TBX5: variants seen among roughly 807,000 people sequenced by gnomAD.
TBX5 encodes the protein T-box transcription factor TBX5.
Under a neutral mutation model 51.1 loss-of-function variants are expected in TBX5, and 8 were observed. The observed-to-expected ratio is 0.16, with a 90% CI of 0.09 to 0.28. The LOEUF (loss-of-function observed/expected upper bound fraction) is 0.28, where lower values mean the gene tolerates loss of function less well. Among genes scored for constraint, TBX5 ranks in the 10% least tolerant of loss-of-function variants. The pLI, the probability that TBX5 is intolerant of heterozygous loss-of-function variation, is 1.00. For missense variants in TBX5, 589 were observed against 671.7 expected (o/e 0.88, Z 1.36); for synonymous variants, 302 against 266.4 (o/e 1.13, Z -1.30).
At chr12:114,399,696 T>C (rs1871678747) in intron 3 of TBX5, 64 bp from the exon 4 acceptor site, 2 of 1,611,412 alleles carry the variant, frequency 1.2e-6, no homozygotes, top group Admixed American at 3.3e-5. Context: ...TAAGGCAGCC[T>C]CCATCCATTT....
intron 1 of TBX5, 118 bp from the exon 2 acceptor site, chr12:114,404,054 A>C: frequency 9.4e-7 from 1 of 1,063,602 alleles, no homozygotes; most frequent in South Asian, 1.4e-5. Context: ...GTTTCCAGCT[A>C]CCAGCACCTC....
chr12:114,386,321 T>G (rs1347907907), intron 6 of TBX5, among the ~76,000 whole-genome samples: 2 of 152,206 alleles, frequency 1.3e-5, no homozygotes, highest in East Asian at 1.9e-4. Context: ...CAACGCATTA[T>G]ATTAGTGTGA....
intron 8 of TBX5, among the ~76,000 whole-genome samples, chr12:114,359,561 G>A (rs538297018): frequency 3.9e-5 from 6 of 152,238 alleles, no homozygotes; most frequent in African/African-American, 1.2e-4. Flanking sequence ...ATCCTAAACC[G>A]AAATGAGTCT....
At chr12:114,382,572 G>A (rs1260549539) in intron 7 of TBX5, among the ~76,000 whole-genome samples, 1 of 152,020 alleles carries the variant, frequency 6.6e-6, no homozygotes, top group African/African-American at 2.4e-5. Flanking sequence ...GCCGAGGCGG[G>A]TGGATTGCCT....
chr12:114,398,424 A>G, intron 5 of TBX5, 149 bp downstream of exon 5: 1 of 1,060,684 alleles, frequency 9.4e-7, no homozygotes, highest in African/African-American at 1.6e-5. Flanking sequence ...AAGAAGGTAG[A>G]GGCAGAAAGC....
At chr12:114,376,437 A>C (rs1317698274) in intron 7 of TBX5, among the ~76,000 whole-genome samples, 1 of 152,182 alleles carries the variant, frequency 6.6e-6, no homozygotes, top group East Asian at 1.9e-4. Context: ...GTAATCTAAA[A>C]TAGTCAAACC....
chr12:114,368,258 C>T (rs1357097010), intron 7 of TBX5, among the ~76,000 whole-genome samples: 1 of 152,040 alleles, frequency 6.6e-6, no homozygotes, highest in East Asian at 1.9e-4. Flanking sequence ...TTGCTTGAGC[C>T]CAGGAGTTTG....
chr12:114,357,042 G>A (rs1187416137), intron 8 of TBX5, among the ~76,000 whole-genome samples: 2 of 152,176 alleles, frequency 1.3e-5, no homozygotes, highest in Non-Finnish European at 2.9e-5. Context: ...ATGGATGCAT[G>A]GATGCATGGA....
chr12:114,395,093 C>G (rs957481465), intron 5 of TBX5, among the ~76,000 whole-genome samples, 200 bp from the exon 6 acceptor site: 2 of 152,070 alleles, frequency 1.3e-5, no homozygotes, highest in African/African-American at 4.8e-5. Flanking sequence ...ACCGAAAAAG[C>G]CAGGGTAATA....
chr12:114,388,782 C>G lies in TBX5; in HGVS notation c.664-3215G>C, dbSNP rs1294677052. ...AGGTTTTCGGAGTGACAGAGTCTCA[C>G]TATGTTGCCCAGGCTGGTCTTGAAC... On this transcript the variant is annotated intron_variant, in intron 6 of 8. Transcript: ENST00000405440. Among the ~76,000 whole-genome samples the G allele has an allele frequency of 2.3e-5, 3 of 130,982 alleles. No individual in the cohort carries two copies. The South Asian group carries it at 7.9e-4, about 34-fold the overall frequency. The allele number at this position is 130,982 out of a possible 152,430, so 85.9% of individuals were successfully genotyped here. A position where few individuals can be genotyped will look rare whatever the true frequency, so the allele number is the denominator to read the frequency against.
chr12:114,405,709 A>G lies in TBX5; in HGVS notation c.-120T>C, dbSNP rs1260364363. On this transcript the variant is annotated 5_prime_UTR_variant, in exon 1 of 9. It removes an upstream start codon present in the reference 5' UTR. Coordinates refer to ENST00000405440, the MANE Select transcript of TBX5 (RefSeq NM_181486.4). ...CCGGCGGTGAGGCGGGGGAGCAGGC[A>G]TGGTGGCTCCGGGGTTTATGCGGGG... 2 of 985,498 alleles carry G rather than the reference A, an allele frequency of 2.0e-6. No homozygotes were observed. Among genetic ancestry groups the G allele is most frequent in the Admixed American group, 6.1e-5 (1 of 16,272 alleles). The allele number at this position is 985,498 out of a possible 1,614,324, so 61.0% of individuals were successfully genotyped here.
chr12:114,379,257 A>G (rs137876377), intron 7 of TBX5, among the ~76,000 whole-genome samples: 1,926 of 152,338 alleles, frequency 0.013, 22 homozygotes, highest in Non-Finnish European at 0.018. Flanking sequence ...CCCCTTGCAC[A>G]CAACGGCGAC....
chr12:114,387,194 C>T (rs1377376337), intron 6 of TBX5, among the ~76,000 whole-genome samples: 1 of 152,130 alleles, frequency 6.6e-6, no homozygotes, highest in Admixed American at 6.5e-5. Flanking sequence ...AAAATCATCT[C>T]GAGTCTTTCC....
At chr12:114,361,589 A>C (rs1428958101) in intron 8 of TBX5, among the ~76,000 whole-genome samples, 2 of 152,164 alleles carry the variant, frequency 1.3e-5, no homozygotes. Flanking sequence ...GGTTCCAAAC[A>C]CAAGGAGCCC....
At chr12:114,395,767 C>T (rs1871381074) in intron 5 of TBX5, among the ~76,000 whole-genome samples, 2 of 152,096 alleles carry the variant, frequency 1.3e-5, no homozygotes, top group Non-Finnish European at 2.9e-5. Flanking sequence ...TTCCCAGGGA[C>T]AAGAGGGGTC....
At chr12:114,396,634 G>T (rs931143786) in intron 5 of TBX5, among the ~76,000 whole-genome samples, 2 of 152,140 alleles carry the variant, frequency 1.3e-5, no homozygotes, top group African/African-American at 2.4e-5. Flanking sequence ...CAGAGAAAAA[G>T]CTAGGAGCTG....
chr12:114,366,430 C>G (rs1350706474), intron 7 of TBX5, 39 bp from the exon 8 acceptor site: 1 of 1,591,506 alleles, frequency 6.3e-7, no homozygotes, highest in South Asian at 1.1e-5. Flanking sequence ...CTATCAGTGC[C>G]CTGATACAGA....
intron 2 of TBX5, among the ~76,000 whole-genome samples, chr12:114,403,041 T>G (rs553558361): frequency 3.9e-5 from 6 of 152,374 alleles, no homozygotes; most frequent in African/African-American, 1.4e-4. Flanking sequence ...CAGGATCTAC[T>G]GAGGGGCCGA....
intron 8 of TBX5, among the ~76,000 whole-genome samples, chr12:114,362,606 G>T (rs1869301515): frequency 6.6e-6 from 1 of 152,132 alleles, no homozygotes; most frequent in Admixed American, 6.5e-5. Context: ...TGACACTCCA[G>T]TTTGATATTC....
Sources: allele counts gnomAD v4.1 joint callset (sites outside exome capture counted in the v4.1 genomes callset), GRCh38; gene constraint gnomAD v4.1.1; transcripts MANE v1.5; gene names NCBI Gene and HGNC (gene_info 2026-07-23, HGNC 2026-07-21).